The following AKNAD1 variants were observed in gnomAD, a reference collection of about 807,000 sequenced individuals.
The protein encoded by AKNAD1 is AKNA domain containing 1, also known as protein AKNAD1.
In AKNAD1, 67 loss-of-function variants were observed where a neutral mutation model predicts 90.8. The ratio of observed to expected loss-of-function variants is 0.74; its 90% confidence interval spans 0.61 to 0.90. AKNAD1 has a LOEUF of 0.90. Ranked by LOEUF, AKNAD1 falls within the 40% of genes least tolerant of loss-of-function variation. The pLI is 0.00. For synonymous variants in AKNAD1, 327 were observed against 341.4 expected (o/e 0.96, Z 0.46); for missense variants, 957 against 975.4 (o/e 0.98, Z 0.25).
rs1664903264 is a variant in AKNAD1 at position 108,852,596 on chromosome 1, G to A, written c.69C>T (p.Leu23=). The A allele has an allele frequency of 6.2e-7, 1 of 1,611,618 alleles. No individual in the cohort carries two copies. The highest frequency in any genetic ancestry group is 1.3e-5 in the African/African-American group (1 of 74,860). The part of the protein sequence containing the change: ...KQEDLPYDGD[L]SQIKIGNDYS... ...AATCATTGCCTATCTTAATCTGAGA[G>A]AGGTCCCCATCATAAGGCAAATCCT... Residue 23 remains leucine (L), a synonymous_variant, in exon 2 of 16, where the codon CTC becomes CTT. Transcript: ENST00000370001.
At chr1:108,835,693 C>T (rs12062844) in intron 7 of AKNAD1, among the ~76,000 whole-genome samples, 20,846 of 151,088 alleles carry the variant, frequency 0.14, 1,588 homozygotes, top group African/African-American at 0.2. Context: ...GGCGCAATCT[C>T]GGCTCACTGC....
chr1:108,843,048 G>C (rs1664598022), intron 6 of AKNAD1, 86 bp downstream of exon 6: 1 of 1,527,884 alleles, frequency 6.5e-7, no homozygotes, highest in Admixed American at 1.8e-5. Flanking sequence ...GGCTCTCCAA[G>C]CACTAAGCCA....
At chr1:108,834,869 A>G in intron 8 of AKNAD1, 60 bp downstream of exon 8, 1 of 1,494,696 alleles carries the variant, frequency 6.7e-7, no homozygotes, top group Non-Finnish European at 8.9e-7. Context: ...TGGAGGCTGC[A>G]TGAGGAAGGG....
chr1:108,830,257 G>C (rs1368677480), intron 10 of AKNAD1, among the ~76,000 whole-genome samples: 1 of 152,152 alleles, frequency 6.6e-6, no homozygotes, highest in African/African-American at 2.4e-5. Flanking sequence ...CACCTGGGGA[G>C]ATTTAAAAGC....
rs149826017 is a variant in AKNAD1 at position 108,816,239 on chromosome 1, G to A, written c.2443C>T (p.Gln815Ter). ...TCTTCTGCAATCGTTTTAATCATTTGATCTGTAGTTTCTTTCAAAATGGTT... is the reference window on the plus strand; with the variant it reads ...TCTTCTGCAATCGTTTTAATCATTTAATCTGTAGTTTCTTTCAAAATGGTT... ...TATILKETTD[Q>*]MIKTIAEDLA... Residue 815 changes from glutamine (Q) to a stop codon, truncating the protein, a stop_gained, in exon 16 of 16, where the codon CAA becomes TAA. Coordinates refer to ENST00000370001, the MANE Select transcript of AKNAD1 (RefSeq NM_152763.5). LOFTEE classifies it high-confidence loss of function. 1.8e-5 allele frequency: 29 copies of A among 1,613,580 alleles called. No homozygotes were observed. The highest frequency in any genetic ancestry group is 2.4e-5 in the Non-Finnish European group (28 of 1,179,866).
chr1:108,830,504 T>A, intron 10 of AKNAD1, 55 bp downstream of exon 10: 2 of 1,552,180 alleles, frequency 1.3e-6, no homozygotes, highest in South Asian at 2.2e-5. Context: ...CTGGAGTTAC[T>A]ATGCCAGGAC....
Position 108,843,244 on chromosome 1 carries a change from G to A in AKNAD1, c.1269C>T (p.His423=), listed in dbSNP as rs112398173. The A allele has an allele frequency of 3.1e-6, 5 of 1,613,934 alleles. No individual in the cohort carries two copies. In the African/African-American group the frequency reaches 4.0e-5, roughly 13 times the overall value. The part of the protein sequence containing the change: ...KKLVLEKLQG[H]LELLEQNFLA... ...GAAAGTTCTGCTCCAGCAGTTCAAG[G>A]TGTCCCTGCAGTTTCTCCAGGACCT... The change falls in exon 6 of 16, where the codon CAC becomes CAT. Residue 423 remains histidine (H), a synonymous_variant. Transcript: ENST00000370001.
At chr1:108,827,989 T>C (rs1487687749) in intron 10 of AKNAD1, among the ~76,000 whole-genome samples, 1 of 150,342 alleles carries the variant, frequency 6.7e-6, no homozygotes, top group Non-Finnish European at 1.5e-5. Flanking sequence ...TGGTGGCTCA[T>C]GCCTGTAATC....
At chr1:108,816,443 G>T in intron 15 of AKNAD1, 141 bp from the exon 16 acceptor site, 1 of 912,772 alleles carries the variant, frequency 1.1e-6, no homozygotes, top group Non-Finnish European at 1.6e-6. Flanking sequence ...TGTTTTTGAG[G>T]GTTGGTTTCC....
chr1:108,824,614 C>T (rs2101165991), intron 11 of AKNAD1, among the ~76,000 whole-genome samples: 1 of 151,764 alleles, frequency 6.6e-6, no homozygotes, highest in East Asian at 2.0e-4. Flanking sequence ...CTTTAACGTG[C>T]TATTTTTATT....
rs113898638 is a variant in AKNAD1 at position 108,844,610 on chromosome 1, C to T, written c.1246-1343G>A. On this transcript the variant is annotated intron_variant, in intron 5 of 15. Transcript: ENST00000370001. ...GGTTGCCCAGGACAGAAACATAGCT[C>T]GGTGAGGTTACAGGATCAGACACAG... 9.6e-3 allele frequency among the ~76,000 whole-genome samples: 1,464 copies of T among 152,012 alleles called. 23 individuals carry two copies. The highest frequency in any genetic ancestry group is 0.029 in the South Asian group (139 of 4,814).
intron 15 of AKNAD1, 144 bp downstream of exon 15, chr1:108,816,904 C>T: frequency 1.1e-6 from 1 of 935,954 alleles, no homozygotes; most frequent in Non-Finnish European, 1.6e-6. Flanking sequence ...GTGTCTTTAG[C>T]TTAGTTCTGA....
chr1:108,830,672 T>C (rs764480180), intron 9 of AKNAD1, 22 bp from the exon 10 acceptor site: 8 of 1,612,270 alleles, frequency 5.0e-6, no homozygotes, highest in East Asian at 2.2e-5. Context: ...AGCACACAGA[T>C]GGAGATGTGA....
intron 5 of AKNAD1, among the ~76,000 whole-genome samples, chr1:108,848,225 C>T (rs1330021175): frequency 6.6e-6 from 1 of 152,168 alleles, no homozygotes; most frequent in Non-Finnish European, 1.5e-5. Context: ...GCTCCACCCC[C>T]TTCCCATGAT....
intron 6 of AKNAD1, among the ~76,000 whole-genome samples, chr1:108,841,291 G>A (rs1664544678): frequency 6.6e-6 from 1 of 152,154 alleles, no homozygotes; most frequent in Admixed American, 6.5e-5. Flanking sequence ...AGGTTGGAGA[G>A]CAGACTAAGG....
chr1:108,853,576 T>A (rs1664936815), intron 1 of AKNAD1, among the ~76,000 whole-genome samples: 1 of 152,134 alleles, frequency 6.6e-6, no homozygotes, highest in African/African-American at 2.4e-5. Flanking sequence ...CCTCCAGACC[T>A]TCTGGTCCCC....
chr1:108,820,493 T>G, intron 14 of AKNAD1, 52 bp downstream of exon 14: 3 of 1,224,536 alleles, frequency 2.4e-6, no homozygotes, highest in Non-Finnish European at 3.6e-6. Context: ...GTACACTGTA[T>G]CCACCCAACC....
intron 7 of AKNAD1, chr1:108,837,138 G>C: frequency 1.3e-5 from 2 of 155,332 alleles, no homozygotes; most frequent in Non-Finnish European, 2.9e-5. Context: ...GAGGCTGAGG[G>C]AGGAGAATCA....
chr1:108,827,787 C>T (rs1430323174), intron 10 of AKNAD1, among the ~76,000 whole-genome samples: 1 of 135,856 alleles, frequency 7.4e-6, no homozygotes, highest in Non-Finnish European at 1.5e-5. Context: ...GCACTCCAGC[C>T]TGGGTGACAG....
Sources: gnomAD v4.1 joint callset for allele counts (sites outside exome capture counted in the v4.1 genomes callset) on GRCh38, gnomAD v4.1.1 for gene constraint, MANE v1.5 for transcripts, NCBI Gene and HGNC (gene_info 2026-07-23, HGNC 2026-07-21) for gene names.